The following UBXN2A variants were observed in gnomAD, a reference collection of about 807,000 sequenced individuals.
The protein encoded by UBXN2A is UBX domain-containing protein 2A.
Under a neutral mutation model 28.4 loss-of-function variants are expected in UBXN2A, and 28 were observed. The ratio of observed to expected loss-of-function variants is 0.99; its 90% CI spans 0.73 to 1.35. The LOEUF (loss-of-function observed/expected upper bound fraction) is 1.35. UBXN2A is among the 40% of genes most tolerant of loss of function. The probability of loss-of-function intolerance (pLI) is 0.00; values close to 1 mark genes in which losing one functional copy is unlikely to be tolerated. For synonymous variants in UBXN2A, 97 were observed against 103.6 expected (o/e 0.94, Z 0.39); for missense variants, 253 against 297.9 (o/e 0.85, Z 1.11).
upstream of UBXN2A, among the ~76,000 whole-genome samples, chr2:23,937,280 C>T (rs547584157): frequency 1.3e-5 from 2 of 152,272 alleles, no homozygotes; most frequent in South Asian, 4.2e-4. Context: ...TGTGGTATCT[C>T]ATACCTGTAA....
upstream of UBXN2A, among the ~76,000 whole-genome samples, chr2:23,935,774 G>A (rs904489724): frequency 1.3e-5 from 2 of 152,162 alleles, no homozygotes; most frequent in African/African-American, 4.8e-5. Flanking sequence ...AAAACGCCAG[G>A]CACGGTGGCC....
At chr2:23,990,610 CA>C (rs1708318416) in intron 6 of UBXN2A, among the ~76,000 whole-genome samples, 1 of 151,476 alleles carries the variant, frequency 6.6e-6, no homozygotes, top group Non-Finnish European at 1.5e-5. Context: ...CCCATCTCCA[CA>C]AAAAATACAA....
At chr2:23,944,373 A>C in intron 1 of UBXN2A, 1 of 1,421,028 alleles carries the variant, frequency 7.0e-7, no homozygotes, top group Non-Finnish European at 9.9e-7. Flanking sequence ...GACCAGCATC[A>C]TCTTCCTACA....
intron 2 of UBXN2A, among the ~76,000 whole-genome samples, chr2:23,962,084 A>G (rs1229753348): frequency 1.3e-5 from 2 of 152,092 alleles, no homozygotes; most frequent in East Asian, 3.9e-4. Context: ...ACCTCAGGCA[A>G]TCTGCCCACC....
At chr2:23,964,452 C>T (rs898358498) in intron 2 of UBXN2A, among the ~76,000 whole-genome samples, 2 of 152,148 alleles carry the variant, frequency 1.3e-5, no homozygotes, top group Admixed American at 6.5e-5. Context: ...TCAAGTGATC[C>T]GCCTGCCTCG....
At chr2:23,942,011 T>C (rs1457329585) in intron 1 of UBXN2A, among the ~76,000 whole-genome samples, 1 of 151,988 alleles carries the variant, frequency 6.6e-6, no homozygotes, top group African/African-American at 2.4e-5. Flanking sequence ...CGGCGAGAGG[T>C]AGAGGTTGCA....
chr2:23,989,397 C>T (rs1708255381), intron 6 of UBXN2A, among the ~76,000 whole-genome samples: 1 of 151,022 alleles, frequency 6.6e-6, no homozygotes, highest in Non-Finnish European at 1.5e-5. Context: ...TCCACCTCCC[C>T]AGACTCAGGT....
At chr2:23,963,525 G>A (rs981959932) in intron 2 of UBXN2A, among the ~76,000 whole-genome samples, 16 of 150,848 alleles carry the variant, frequency 1.1e-4, no homozygotes, top group Admixed American at 4.0e-4. Context: ...ACATTTCTCC[G>A]AATAAGGCAT....
chr2:23,944,078 T>A, intron 1 of UBXN2A: 1 of 646,824 alleles, frequency 1.5e-6, no homozygotes, highest in South Asian at 1.5e-5. Context: ...CTGGTATTGC[T>A]TTGAGCACAG....
intron 1 of UBXN2A, among the ~76,000 whole-genome samples, chr2:23,945,298 A>G (rs893611268): frequency 1.3e-5 from 2 of 152,226 alleles, no homozygotes; most frequent in African/African-American, 2.4e-5. Context: ...TAAGTAGCCC[A>G]TTAAAAATTT....
chr2:23,940,978 T>A (rs1470244251), intron 1 of UBXN2A, among the ~76,000 whole-genome samples: 1 of 152,160 alleles, frequency 6.6e-6, no homozygotes, highest in Non-Finnish European at 1.5e-5. Flanking sequence ...ACACAATGTT[T>A]CTATTTTCAA....
intron 1 of UBXN2A, among the ~76,000 whole-genome samples, chr2:23,934,342 C>CA (rs1265434049): frequency 6.6e-6 from 1 of 152,152 alleles, no homozygotes; most frequent in African/African-American, 2.4e-5. Context: ...TTCAAATATT[C>CA]AATAAGCAAA....
chr2:23,954,931 CTTTTTTTTTTT>C (rs35139100), intron 1 of UBXN2A, among the ~76,000 whole-genome samples: 2 of 120,850 alleles, frequency 1.7e-5, no homozygotes, highest in Non-Finnish European at 3.4e-5. Flanking sequence ...GCTTGCCTAC[CTTTTTTTTTTT>C]TTTTTTTTTG....
chr2:23,993,162 TA>T (rs1170000009), intron 6 of UBXN2A, among the ~76,000 whole-genome samples: 5 of 152,226 alleles, frequency 3.3e-5, no homozygotes, highest in Non-Finnish European at 5.9e-5. Flanking sequence ...TTTTGTGACC[TA>T]AATTCCTTCC....
intron 1 of UBXN2A, among the ~76,000 whole-genome samples, chr2:23,928,450 G>C (rs1016613987): frequency 3.3e-5 from 5 of 151,852 alleles, no homozygotes; most frequent in African/African-American, 1.2e-4. Flanking sequence ...CGTGGTGCAT[G>C]CCTGTAATCC....
At chr2:23,978,879 C>T (rs1707783669) in intron 4 of UBXN2A, among the ~76,000 whole-genome samples, 1 of 151,600 alleles carries the variant, frequency 6.6e-6, no homozygotes, top group African/African-American at 2.4e-5. Context: ...AGGAGAATTG[C>T]TTGAACCCAG....
At chr2:23,946,952 A>G (rs1706116732) in intron 1 of UBXN2A, among the ~76,000 whole-genome samples, 1 of 148,968 alleles carries the variant, frequency 6.7e-6, no homozygotes, top group African/African-American at 2.5e-5. Flanking sequence ...CAGTGGCACA[A>G]TTATAGTTCA....
At chr2:23,947,476 C>G (rs1426343298) in intron 1 of UBXN2A, among the ~76,000 whole-genome samples, 1 of 152,116 alleles carries the variant, frequency 6.6e-6, no homozygotes, top group Non-Finnish European at 1.5e-5. Flanking sequence ...GGATATTTGT[C>G]AGATGGCTTT....
At chr2:23,927,941 C>G (rs985510390) in intron 1 of UBXN2A, among the ~76,000 whole-genome samples, 1 of 151,832 alleles carries the variant, frequency 6.6e-6, no homozygotes, top group Non-Finnish European at 1.5e-5. Flanking sequence ...TTTGGGAGGC[C>G]GGGGTGGGTG....
Sources: allele counts gnomAD v4.1 joint callset (sites outside exome capture counted in the v4.1 genomes callset), GRCh38; gene constraint gnomAD v4.1.1; transcripts MANE v1.5; gene names NCBI Gene and HGNC (gene_info 2026-07-23, HGNC 2026-07-21).